Variants in SRCIN1 observed in about 807,000 individuals in gnomAD.
The protein encoded by SRCIN1 is SRC kinase signaling inhibitor 1.
A neutral mutation model predicts 116.2 loss-of-function variants in SRCIN1; 50 were observed. That is an observed-to-expected ratio of 0.43 (90% CI 0.34 to 0.54). The LOEUF (loss-of-function observed/expected upper bound fraction) is 0.54, where lower values mean the gene tolerates loss of function less well. Among genes scored for constraint, SRCIN1 ranks in the 20% least tolerant of loss-of-function variants. SRCIN1 has a pLI of 0.02. For synonymous variants in SRCIN1, 736 were observed against 750.0 expected (o/e 0.98, Z 0.30); for missense variants, 1,446 against 1,672.0 (o/e 0.86, Z 2.36).
intron 2 of SRCIN1, among the ~76,000 whole-genome samples, chr17:38,573,162 G>T (rs944754791): frequency 6.6e-6 from 1 of 152,186 alleles, no homozygotes; most frequent in African/African-American, 2.4e-5. Context: ...TAAAGGTCCC[G>T]CCTGGTGGAG....
rs1405094159 is a variant in SRCIN1, at chr17:38,559,669, C to A, written c.1941G>T (p.Arg647=). The A allele has an allele frequency of 6.2e-7, 1 of 1,601,278 alleles. No individual in the cohort carries two copies. Among genetic ancestry groups the A allele is most frequent in the Non-Finnish European group, 8.5e-7 (1 of 1,178,942 alleles). Residue 647 remains arginine (R), a synonymous_variant, in exon 10 of 19, where the codon CGG becomes CGT. Coordinates refer to ENST00000617146, the MANE Select transcript of SRCIN1 (RefSeq NM_025248.3). ...TPAGQPTAVS[R]LQMQLHLRGL... ...CTCGCAGGTGAAGCTGCATCTGCAG[C>A]CGGCTAACGGCGGTAGGCTGACCTG...
rs755035499 is a variant in SRCIN1, at chr17:38,548,617, G to T, written c.3210C>A (p.Pro1070=). ...CGTCCTTGATGGCCGAGGCCATGAT[G>T]GGTGGTGTGGAGGCTGGGCGGGCCA... ...SEVARPASTP[P]IMASAIKDED... The change falls in exon 17 of 19, where the codon CCC becomes CCA. Residue 1070 remains proline (P), a synonymous_variant. Coordinates refer to ENST00000617146, the MANE Select transcript of SRCIN1 (RefSeq NM_025248.3). 1.2e-6 allele frequency: 2 copies of T among 1,613,164 alleles called. No homozygotes were observed. Among genetic ancestry groups the T allele is most frequent in the Non-Finnish European group, 1.7e-6 (2 of 1,179,794 alleles).
intron 1 of SRCIN1, among the ~76,000 whole-genome samples, chr17:38,581,787 T>C (rs1375882397): frequency 6.6e-6 from 1 of 152,136 alleles, no homozygotes; most frequent in Non-Finnish European, 1.5e-5. Context: ...GAAGTGTGGC[T>C]AAAGGAGAGT....
intron 2 of SRCIN1, among the ~76,000 whole-genome samples, chr17:38,569,161 A>G (rs1906912865): frequency 6.6e-6 from 1 of 152,132 alleles, no homozygotes; most frequent in East Asian, 1.9e-4. Context: ...CTAGAATGGG[A>G]AGCCAGAGAG....
chr17:38,560,533 G>T, intron 7 of SRCIN1, 108 bp from the exon 8 acceptor site: 1 of 940,554 alleles, frequency 1.1e-6, no homozygotes, highest in Non-Finnish European at 1.6e-6. Flanking sequence ...TCCCATCCCT[G>T]GCTGCCAAAA....
Position 38,533,264 on chromosome 17 carries a change from G to A in SRCIN1, c.*33C>T, listed in dbSNP as rs1386074092. The A allele has an allele frequency of 1.3e-6, 2 of 1,533,940 alleles. No homozygotes were observed. Among genetic ancestry groups the A allele is most frequent in the African/African-American group, 1.4e-5 (1 of 72,712 alleles). ...GGGGAGAAATGGCAGGAGTGAGGGAGGGGGACAGGCGGGGCAGCGGGGTGA... is the reference window on the plus strand; with the variant it reads ...GGGGAGAAATGGCAGGAGTGAGGGAAGGGGACAGGCGGGGCAGCGGGGTGA... On this transcript the variant is annotated 3_prime_UTR_variant, in exon 19 of 19. Coordinates refer to ENST00000617146, the MANE Select transcript of SRCIN1 (RefSeq NM_025248.3).
intron 17 of SRCIN1, among the ~76,000 whole-genome samples, chr17:38,547,605 G>A (rs1905144551): frequency 6.6e-6 from 1 of 152,144 alleles, no homozygotes; most frequent in Non-Finnish European, 1.5e-5. Context: ...GGGGAGGGGT[G>A]AGTCCACATG....
chr17:38,592,580 C>T (rs1303708774), intron 1 of SRCIN1, among the ~76,000 whole-genome samples: 3 of 152,196 alleles, frequency 2.0e-5, no homozygotes, highest in South Asian at 2.1e-4. Context: ...TCATTTCAGT[C>T]CTCCAGGCCT....
At chr17:38,534,972 AT>A (rs1555604111) in intron 18 of SRCIN1, among the ~76,000 whole-genome samples, 6 of 151,754 alleles carry the variant, frequency 4.0e-5, no homozygotes, top group African/African-American at 1.2e-4. Context: ...TAAAAAAAAA[AT>A]TTTTTTTAAA....
At chr17:38,560,457 C>T (rs1226177630) in intron 7 of SRCIN1, 32 bp from the exon 8 acceptor site, 19 of 1,566,980 alleles carry the variant, frequency 1.2e-5, no homozygotes, top group Non-Finnish European at 1.7e-5. Flanking sequence ...GCAACCTCGC[C>T]TCTGAGCATA....
intron 1 of SRCIN1, among the ~76,000 whole-genome samples, chr17:38,598,071 A>G (rs1401322768): frequency 6.6e-6 from 1 of 152,124 alleles, no homozygotes; most frequent in Non-Finnish European, 1.5e-5. Context: ...AGAAGTTCCC[A>G]TAGTGCCCAG....
At chr17:38,548,951 C>T (rs1354726915) in intron 16 of SRCIN1, 105 bp downstream of exon 16, 3 of 1,361,006 alleles carry the variant, frequency 2.2e-6, no homozygotes, top group Non-Finnish European at 2.0e-6. Context: ...CTTCCATGTT[C>T]TCTGAGAAAG....
Position 38,533,136 on chromosome 17 carries a change from G to T in SRCIN1, c.*161C>A, listed in dbSNP as rs2144872074. 2.7e-5 allele frequency: 14 copies of T among 527,848 alleles called. No homozygotes were observed. Among genetic ancestry groups the T allele is most frequent in the Admixed American group, 4.5e-5 (1 of 22,096 alleles). The allele number at this position is 527,848 out of a possible 1,614,324, so 32.7% of individuals were successfully genotyped here. Reference sequence around the variant, plus strand: ...AACAAAACCAAAAACACCAACAGATGATGGGTAGGGGTCGCTGAGGAGGGC... The same window carrying T: ...AACAAAACCAAAAACACCAACAGATTATGGGTAGGGGTCGCTGAGGAGGGC... On this transcript the variant is annotated 3_prime_UTR_variant, in exon 19 of 19. Coordinates refer to ENST00000617146, the MANE Select transcript of SRCIN1 (RefSeq NM_025248.3).
chr17:38,565,033 C>T (rs1906590174), intron 3 of SRCIN1, among the ~76,000 whole-genome samples: 1 of 152,140 alleles, frequency 6.6e-6, no homozygotes, highest in African/African-American at 2.4e-5. Context: ...ACACAGCCAG[C>T]CAGCCTCCCC....
At chr17:38,548,977 C>T in intron 16 of SRCIN1, 79 bp downstream of exon 16, 6 of 1,501,204 alleles carry the variant, frequency 4.0e-6, no homozygotes, top group South Asian at 1.3e-5. Flanking sequence ...TCTTTCCCAC[C>T]CCAGAGGGCC....
At chr17:38,564,011 G>A (rs776806518) in intron 4 of SRCIN1, 107 bp downstream of exon 4, 56 of 1,301,288 alleles carry the variant, frequency 4.3e-5, no homozygotes, top group Middle Eastern at 2.3e-4. Context: ...AAAGAGAGCA[G>A]AGCTTGAGGC....
intron 2 of SRCIN1, 34 bp downstream of exon 2, chr17:38,578,456 C>T: frequency 2.6e-6 from 4 of 1,535,708 alleles, no homozygotes; most frequent in Non-Finnish European, 3.5e-6. Context: ...CTGGCCGCGG[C>T]CGCAGCCGCA....
intron 2 of SRCIN1, among the ~76,000 whole-genome samples, chr17:38,574,323 G>A (rs139253088): frequency 2.5e-3 from 377 of 152,258 alleles, no homozygotes; most frequent in African/African-American, 8.4e-3. Flanking sequence ...TTCCCATAAC[G>A]GACACTGAAG....
intron 2 of SRCIN1, among the ~76,000 whole-genome samples, chr17:38,571,394 A>T (rs1298959745): frequency 6.6e-6 from 1 of 152,164 alleles, no homozygotes; most frequent in African/African-American, 2.4e-5. Context: ...GGATCTCTGA[A>T]TACTCTGGTC....
Sources: gnomAD v4.1 joint callset for allele counts (sites outside exome capture counted in the v4.1 genomes callset) on GRCh38, gnomAD v4.1.1 for gene constraint, MANE v1.5 for transcripts, NCBI Gene and HGNC (gene_info 2026-07-23, HGNC 2026-07-21) for gene names.